The following PJA2 variants were observed in gnomAD, a reference collection of about 807,000 sequenced individuals.
PJA2 encodes E3 ubiquitin-protein ligase Praja-2.
PJA2 carries 25 observed loss-of-function variants against 69.3 expected under a neutral mutation model. The observed-to-expected ratio is 0.36, with a 90% CI of 0.26 to 0.50. The LOEUF (loss-of-function observed/expected upper bound fraction) is 0.50. Among genes scored for constraint, PJA2 ranks in the 20% least tolerant of loss-of-function variants. PJA2 has a pLI of 0.96. For missense variants in PJA2, 809 were observed against 830.2 expected, an observed-to-expected ratio of 0.97 and a Z score of 0.31; for synonymous variants, 308 against 277.8, an observed-to-expected ratio of 1.11 and a Z score of -1.08.
intron 1 of PJA2, among the ~76,000 whole-genome samples, chr5:109,387,792 A>G (rs1230691068): frequency 6.7e-6 from 1 of 149,900 alleles, no homozygotes; most frequent in Non-Finnish European, 1.5e-5. Context: ...TGTAAGGTAC[A>G]CTTCTCACAG....
In PJA2 at chr5:109,383,452, G is replaced by T. The variant is rs1245946755; in HGVS notation, c.-19C>A. On this transcript the variant is annotated 5_prime_UTR_variant, in exon 2 of 10. Transcript: ENST00000361189. ...GTGACATATATGGCAGCGTCTGTGTGACCAGTTCAGTAGAATTATAGATGT... is the reference window on the plus strand; with the variant it reads ...GTGACATATATGGCAGCGTCTGTGTTACCAGTTCAGTAGAATTATAGATGT... 4 of 1,601,532 alleles carry T rather than the reference G, an allele frequency of 2.5e-6. No individual in the cohort carries two copies. In the Admixed American group the frequency reaches 5.1e-5, roughly 20 times the overall value.
rs566902427 is a variant in PJA2, at chr5:109,334,847, A to T, written c.*2384T>A. On this transcript the variant is annotated 3_prime_UTR_variant, in exon 10 of 10. Coordinates refer to ENST00000361189, the MANE Select transcript of PJA2 (RefSeq NM_014819.5). Reference sequence around the variant, plus strand: ...GAAAAACTTGCATTCCATTTTAACAATTCGTATGTATCTAACAAATACATA... The same window carrying T: ...GAAAAACTTGCATTCCATTTTAACATTTCGTATGTATCTAACAAATACATA... 4.6e-5 allele frequency: 7 copies of T among 152,752 alleles called. No individual in the cohort carries two copies. The highest frequency in any genetic ancestry group is 1.0e-4 in the Non-Finnish European group (7 of 68,034). The allele number at this position is 152,752 out of a possible 1,614,324, so 9.5% of individuals were successfully genotyped here. A position where few individuals can be genotyped will look rare whatever the true frequency, so the allele number is the denominator to read the frequency against.
At chr5:109,407,866 G>A (rs1168911796) in intron 1 of PJA2, among the ~76,000 whole-genome samples, 1 of 152,106 alleles carries the variant, frequency 6.6e-6, no homozygotes, top group African/African-American at 2.4e-5. Context: ...ATAAAATGGA[G>A]AGGCCACATT....
intron 7 of PJA2, among the ~76,000 whole-genome samples, chr5:109,351,064 G>A (rs1289010249): frequency 6.8e-6 from 1 of 148,002 alleles, no homozygotes; most frequent in Non-Finnish European, 1.5e-5. Context: ...AGGTAGAACT[G>A]AACTCTAATG....
chr5:109,388,647 A>C (rs1332887952), intron 1 of PJA2, among the ~76,000 whole-genome samples: 1 of 152,176 alleles, frequency 6.6e-6, no homozygotes, highest in Non-Finnish European at 1.5e-5. Flanking sequence ...GCCAGAAATA[A>C]CTCACTTTTA....
In PJA2 at chr5:109,344,220, G is replaced by A. The variant is rs1762136599; in HGVS notation, c.1971C>T (p.His657=). 1.2e-6 allele frequency: 2 copies of A among 1,609,106 alleles called. No homozygotes were observed. The highest frequency in any genetic ancestry group is 1.7e-5 in the Admixed American group (1 of 59,590). ...GTAGCCAAATTGAGACACAAGGTTT[G>A]TGAAAGAAATGGTGACAGGGCAACT... The part of the protein sequence containing the change: ...ATELPCHHFF[H]KPCVSIWLQK... The change falls in exon 9 of 10, where the codon CAC becomes CAT. Residue 657 remains histidine (H), a synonymous_variant. Transcript: ENST00000361189.
intron 7 of PJA2, among the ~76,000 whole-genome samples, chr5:109,349,959 T>C (rs145751369): frequency 9.9e-5 from 15 of 152,260 alleles, no homozygotes; most frequent in Admixed American, 1.3e-4. Flanking sequence ...CAATTCCCCA[T>C]ATGTACTACT....
At chr5:109,382,340 G>A (rs1391341942) in intron 2 of PJA2, among the ~76,000 whole-genome samples, 1 of 152,142 alleles carries the variant, frequency 6.6e-6, no homozygotes, top group Non-Finnish European at 1.5e-5. Context: ...ATATGTTATG[G>A]TAAGAAAAGC....
chr5:109,353,049 C>CT (rs1175273228), intron 7 of PJA2, among the ~76,000 whole-genome samples: 7 of 114,508 alleles, frequency 6.1e-5, no homozygotes, highest in East Asian at 4.5e-4. Flanking sequence ...ATACCTATAT[C>CT]ATAGACATCT....
intron 1 of PJA2, among the ~76,000 whole-genome samples, chr5:109,391,567 T>C (rs183616294): frequency 7.0e-4 from 107 of 152,148 alleles, no homozygotes; most frequent in Admixed American, 1.4e-3. Context: ...AAGAAGTCCA[T>C]GTCATCTGAG....
intron 7 of PJA2, among the ~76,000 whole-genome samples, chr5:109,353,291 A>G (rs1172912321): frequency 1.4e-5 from 2 of 141,232 alleles, no homozygotes; most frequent in African/African-American, 2.5e-5. Flanking sequence ...AGACATCTAT[A>G]TATTAGATAT....
chr5:109,348,334 T>C (rs1762199712), intron 7 of PJA2, among the ~76,000 whole-genome samples: 1 of 152,198 alleles, frequency 6.6e-6, no homozygotes, highest in Admixed American at 6.5e-5. Context: ...TAAAAGATGC[T>C]CTTGCTCCTA....
chr5:109,401,427 T>C (rs1438675725), intron 1 of PJA2, among the ~76,000 whole-genome samples: 2 of 151,746 alleles, frequency 1.3e-5, no homozygotes, highest in Non-Finnish European at 2.9e-5. Flanking sequence ...ACCACTGCAC[T>C]CCACTTGGGC....
chr5:109,373,269 T>C (rs1035009050), intron 4 of PJA2, among the ~76,000 whole-genome samples: 15 of 151,916 alleles, frequency 9.9e-5, no homozygotes, highest in Admixed American at 2.6e-4. Flanking sequence ...TTCTTCAAGA[T>C]TGAGAAAAAC....
intron 1 of PJA2, among the ~76,000 whole-genome samples, chr5:109,387,301 C>T (rs986486495): frequency 6.6e-6 from 1 of 151,688 alleles, no homozygotes. Context: ...CCTCTATATT[C>T]CGTCTACCAC....
intron 9 of PJA2, among the ~76,000 whole-genome samples, chr5:109,339,661 C>A (rs1762007764): frequency 6.6e-6 from 1 of 152,180 alleles, no homozygotes; most frequent in Non-Finnish European, 1.5e-5. Flanking sequence ...CACCTACTTC[C>A]ACTACTACCA....
chr5:109,358,488 A>G (rs1045158839), intron 6 of PJA2, among the ~76,000 whole-genome samples: 6 of 151,918 alleles, frequency 3.9e-5, no homozygotes, highest in African/African-American at 1.2e-4. Flanking sequence ...TCACACCTCT[A>G]TATTTCTGTG....
intron 4 of PJA2, among the ~76,000 whole-genome samples, chr5:109,375,628 C>G (rs1206515090): frequency 6.6e-6 from 1 of 152,124 alleles, no homozygotes; most frequent in East Asian, 1.9e-4. Flanking sequence ...AGTATATCAA[C>G]TTTTTAAGCT....
intron 1 of PJA2, among the ~76,000 whole-genome samples, chr5:109,407,542 TGCTCAACATTTTATAA>T (rs1199630012): frequency 6.6e-6 from 1 of 152,162 alleles, no homozygotes; most frequent in Non-Finnish European, 1.5e-5. Flanking sequence ...AATCTACCAG[TGCTCAACATTTTATAA>T]GATGTATAAT....
Sources: gnomAD v4.1 joint callset for allele counts (sites outside exome capture counted in the v4.1 genomes callset) on GRCh38, gnomAD v4.1.1 for gene constraint, MANE v1.5 for transcripts, NCBI Gene and HGNC (gene_info 2026-07-23, HGNC 2026-07-21) for gene names.